The following KHDRBS2 variants were observed in gnomAD, a reference collection of about 807,000 sequenced individuals.
KHDRBS2 encodes KH domain-containing, RNA-binding, signal transduction-associated protein 2.
Under a neutral mutation model 44.3 loss-of-function variants are expected in KHDRBS2, and 26 were observed. The ratio of observed to expected loss-of-function variants is 0.59; its 90% confidence interval spans 0.43 to 0.81. The LOEUF is 0.81. Among genes scored for constraint, KHDRBS2 ranks in the 40% least tolerant of loss-of-function variants. KHDRBS2 has a pLI of 0.00. For synonymous variants in KHDRBS2, 194 were observed against 151.1 expected (o/e 1.28, Z -2.08); for missense variants, 476 against 433.1 (o/e 1.10, Z -0.88).
intron 1 of KHDRBS2, among the ~76,000 whole-genome samples, chr6:62,205,516 T>C (rs985765286): frequency 6.6e-6 from 1 of 152,072 alleles, no homozygotes; most frequent in African/African-American, 2.4e-5. Flanking sequence ...TCTGTCCAAC[T>C]AGACAGAAAT....
chr6:61,652,513 T>C, the KHDRBS2 span, among the ~76,000 whole-genome samples: 1 of 152,110 alleles, frequency 6.6e-6, no homozygotes, highest in African/African-American at 2.4e-5. Context: ...CATGTGTATA[T>C]AGTTACAAAT....
At chr6:61,571,608 CA>C in the KHDRBS2 span, among the ~76,000 whole-genome samples, 1 of 152,048 alleles carries the variant, frequency 6.6e-6, no homozygotes, top group Non-Finnish European at 1.5e-5. Context: ...CTGCAAAATA[CA>C]CATTCTTTTC....
rs574631307 is a variant in KHDRBS2, at chr6:61,891,442, C to A, written c.810+3193G>T. ...GGCTTTGGTATCAGGATGATGCTGG[C>A]CTCATAAAATGAGTTAGGAAGGATT... On this transcript the variant is annotated intron_variant, in intron 6 of 8. Coordinates refer to ENST00000281156, the MANE Select transcript of KHDRBS2 (RefSeq NM_152688.4). 4.6e-5 allele frequency among the ~76,000 whole-genome samples: 7 copies of A among 152,162 alleles called. No individual in the cohort carries two copies. The South Asian group carries it at 1.2e-3, about 27-fold the overall frequency.
At chr6:62,271,064 C>G (rs1480469003) in intron 1 of KHDRBS2, among the ~76,000 whole-genome samples, 1 of 152,090 alleles carries the variant, frequency 6.6e-6, no homozygotes, top group Non-Finnish European at 1.5e-5. Context: ...ATTCCATATA[C>G]ACACACAAAT....
intron 2 of KHDRBS2, among the ~76,000 whole-genome samples, chr6:62,139,578 A>G (rs1812341347): frequency 6.6e-6 from 1 of 151,824 alleles, no homozygotes; most frequent in Non-Finnish European, 1.5e-5. Flanking sequence ...AGAAATTTAT[A>G]TGTAATGACA....
intron 4 of KHDRBS2, among the ~76,000 whole-genome samples, chr6:61,922,049 T>C (rs1046232532): frequency 6.6e-6 from 1 of 152,028 alleles, no homozygotes; most frequent in African/African-American, 2.4e-5. Context: ...TATCATTTTA[T>C]ATGTATTAGC....
chr6:61,832,984 T>C (rs1481704163), intron 6 of KHDRBS2, among the ~76,000 whole-genome samples: 1 of 152,246 alleles, frequency 6.6e-6, no homozygotes, highest in Non-Finnish European at 1.5e-5. Context: ...AAAACCTTAA[T>C]AGAATACAAA....
At chr6:62,124,077 C>G (rs764217150) in intron 2 of KHDRBS2, among the ~76,000 whole-genome samples, 1 of 152,098 alleles carries the variant, frequency 6.6e-6, no homozygotes, top group African/African-American at 2.4e-5. Flanking sequence ...ATTTGATGGA[C>G]CCTTTTCTGC....
chr6:61,944,879 T>A (rs570788401), intron 4 of KHDRBS2, among the ~76,000 whole-genome samples: 2 of 151,344 alleles, frequency 1.3e-5, no homozygotes, highest in Non-Finnish European at 2.9e-5. Context: ...TCACCTGAGA[T>A]CAGGAGCTCA....
At chr6:61,753,969 C>T (rs531711324) in intron 6 of KHDRBS2, among the ~76,000 whole-genome samples, 3 of 151,954 alleles carry the variant, frequency 2.0e-5, no homozygotes, top group Non-Finnish European at 4.4e-5. Flanking sequence ...GTGATGCAGC[C>T]ACAGCCAAGA....
chr6:61,867,712 G>A (rs551227437), intron 6 of KHDRBS2, among the ~76,000 whole-genome samples: 70 of 152,242 alleles, frequency 4.6e-4, no homozygotes, highest in Middle Eastern at 3.4e-3. Flanking sequence ...GGCTGCTGCC[G>A]TTTGCTGGCC....
chr6:62,247,605 T>C (rs1275318703), intron 1 of KHDRBS2, among the ~76,000 whole-genome samples: 4 of 152,146 alleles, frequency 2.6e-5, no homozygotes, highest in South Asian at 2.1e-4. Flanking sequence ...CAGACCTTCC[T>C]GCTCCACTTA....
At position 61,851,013 on chromosome 6, in the gene KHDRBS2, A is replaced by G. The variant is rs1320445610; in HGVS notation, c.810+43622T>C. ...CTACCTCACCTGGTACCCTTGCCTC[A>G]GCATGGTTGAGGACCTCAGGCTCTT... On this transcript the variant is annotated intron_variant, in intron 6 of 8. Transcript: ENST00000281156. Among the ~76,000 whole-genome samples, 5 of 152,108 alleles carry G rather than the reference A, an allele frequency of 3.3e-5. No individual in the cohort carries two copies. The East Asian group carries it at 9.7e-4, about 29-fold the overall frequency.
chr6:61,942,101 T>C (rs549485119), intron 4 of KHDRBS2, among the ~76,000 whole-genome samples: 1 of 129,786 alleles, frequency 7.7e-6, no homozygotes, highest in South Asian at 2.4e-4. Context: ...GCTAGGACTA[T>C]AAGCACACCA....
intron 3 of KHDRBS2, among the ~76,000 whole-genome samples, chr6:62,032,397 C>T (rs1784508672): frequency 6.6e-6 from 1 of 151,902 alleles, no homozygotes; most frequent in Non-Finnish European, 1.5e-5. Flanking sequence ...GCTTCCTGCC[C>T]TCGTACATTG....
chr6:61,934,050 T>G (rs1810581390), intron 4 of KHDRBS2, among the ~76,000 whole-genome samples: 1 of 152,144 alleles, frequency 6.6e-6, no homozygotes, highest in Non-Finnish European at 1.5e-5. Context: ...TTAGTGATGT[T>G]GAACCTTTCT....
chr6:62,040,396 T>C (rs770201906), intron 3 of KHDRBS2, among the ~76,000 whole-genome samples: 1 of 152,092 alleles, frequency 6.6e-6, no homozygotes, highest in Admixed American at 6.6e-5. Context: ...CTAACCATGA[T>C]ACATTTAGTG....
chr6:62,060,793 A>C (rs1282997714), intron 2 of KHDRBS2, among the ~76,000 whole-genome samples: 7 of 151,880 alleles, frequency 4.6e-5, no homozygotes, highest in Admixed American at 1.3e-4. Flanking sequence ...ATAGTTGGAG[A>C]ATATAATTCA....
chr6:61,830,058 G>A (rs1053374540), intron 6 of KHDRBS2, among the ~76,000 whole-genome samples: 1 of 152,096 alleles, frequency 6.6e-6, no homozygotes, highest in Non-Finnish European at 1.5e-5. Flanking sequence ...ATAGATAATT[G>A]CATGCTGAAT....
Sources: gnomAD v4.1 joint callset for allele counts (sites outside exome capture counted in the v4.1 genomes callset) on GRCh38, gnomAD v4.1.1 for gene constraint, MANE v1.5 for transcripts, NCBI Gene and HGNC (gene_info 2026-07-23, HGNC 2026-07-21) for gene names.